RNF145: variants seen among roughly 807,000 people sequenced by gnomAD.
The protein encoded by RNF145 is ring finger protein 145.
In RNF145, 12 loss-of-function variants were observed where a neutral mutation model predicts 57.3. That is an observed-to-expected ratio of 0.21 (90% confidence interval 0.13 to 0.34). The LOEUF is 0.34. RNF145 is among the 10% of genes least tolerant of loss of function. RNF145 has a pLI of 1.00. For synonymous variants in RNF145, 262 were observed against 288.3 expected (o/e 0.91, Z 0.92); for missense variants, 429 against 799.0 (o/e 0.54, Z 5.58).
intron 1 of RNF145, chr5:159,207,358 CTT>C: frequency 1.5e-6 from 1 of 681,560 alleles, no homozygotes; most frequent in Non-Finnish European, 2.4e-6. Context: ...ACCTCCTAAA[CTT>C]TTTTTTAAAA....
chr5:159,173,069 A>G (rs1000657791), intron 6 of RNF145, among the ~76,000 whole-genome samples: 2 of 152,232 alleles, frequency 1.3e-5, no homozygotes, highest in Admixed American at 6.5e-5. Context: ...GACTTAAATG[A>G]CATGAGATTT....
At chr5:159,202,957 T>C (rs1785723189) in intron 2 of RNF145, among the ~76,000 whole-genome samples, 1 of 152,168 alleles carries the variant, frequency 6.6e-6, no homozygotes, top group Non-Finnish European at 1.5e-5. Context: ...GAGGATTTTT[T>C]TTATGGAACA....
intron 2 of RNF145, among the ~76,000 whole-genome samples, chr5:159,201,287 C>T (rs182098425): frequency 5.3e-5 from 8 of 152,314 alleles, no homozygotes; most frequent in Admixed American, 5.2e-4. Flanking sequence ...CAACTTCCAG[C>T]ATACACCGAC....
At chr5:159,182,778 A>C (rs1316225173) in intron 3 of RNF145, among the ~76,000 whole-genome samples, 1 of 152,180 alleles carries the variant, frequency 6.6e-6, no homozygotes, top group African/African-American at 2.4e-5. Flanking sequence ...GTTTATTATC[A>C]GTAAGTTACA....
intron 3 of RNF145, among the ~76,000 whole-genome samples, chr5:159,192,888 C>CTCCAGAGT (rs1562069908): frequency 6.6e-6 from 1 of 152,204 alleles, no homozygotes; most frequent in Non-Finnish European, 1.5e-5. Context: ...GCTCAGTATA[C>CTCCAGAGT]CCTAATGACT....
chr5:159,161,707 T>C (rs1417723959), intron 9 of RNF145, 85 bp from the exon 10 acceptor site: 3 of 804,390 alleles, frequency 3.7e-6, no homozygotes, highest in Non-Finnish European at 6.1e-6. Flanking sequence ...AACACATTCC[T>C]GATGTTTTTA....
At chr5:159,209,688 G>T, upstream of RNF145, 1 of 959,074 alleles carries the variant, frequency 1.0e-6, no homozygotes, top group Non-Finnish European at 1.4e-6. Flanking sequence ...CGGTGCGTGG[G>T]CGGGAGACAT....
intron 3 of RNF145, among the ~76,000 whole-genome samples, chr5:159,191,137 TG>T (rs1418395315): frequency 6.6e-6 from 1 of 151,660 alleles, no homozygotes; most frequent in Non-Finnish European, 1.5e-5. Flanking sequence ...CACGAATTTT[TG>T]TTGGGCTGCA....
intron 8 of RNF145, among the ~76,000 whole-genome samples, chr5:159,164,421 C>A (rs1162017918): frequency 6.6e-6 from 1 of 152,006 alleles, no homozygotes; most frequent in Admixed American, 6.5e-5. Context: ...AAAAATCAAG[C>A]CAGCTATGAT....
At chr5:159,185,769 A>G (rs1407466523) in intron 3 of RNF145, among the ~76,000 whole-genome samples, 2 of 152,256 alleles carry the variant, frequency 1.3e-5, no homozygotes, top group African/African-American at 4.8e-5. Flanking sequence ...CAATCTACTT[A>G]TAACTGAATA....
chr5:159,166,999 T>C (rs1215869388), intron 8 of RNF145, among the ~76,000 whole-genome samples: 2 of 152,168 alleles, frequency 1.3e-5, no homozygotes, highest in Non-Finnish European at 2.9e-5. Flanking sequence ...TAGGGATAAC[T>C]GTTCTTTGGA....
At chr5:159,181,065 T>C (rs753088907) in intron 4 of RNF145, among the ~76,000 whole-genome samples, 28 of 151,292 alleles carry the variant, frequency 1.9e-4, no homozygotes, top group Non-Finnish European at 3.1e-4. Context: ...ACACCATGTG[T>C]TCCCCCAGAA....
At chr5:159,184,597 C>T (rs1785000008) in intron 3 of RNF145, among the ~76,000 whole-genome samples, 1 of 152,104 alleles carries the variant, frequency 6.6e-6, no homozygotes, top group Non-Finnish European at 1.5e-5. Context: ...ATTTTAAATT[C>T]ACAGCATATT....
At chr5:159,190,681 CAAAAAAAAAA>C (rs58247587) in intron 3 of RNF145, among the ~76,000 whole-genome samples, 1 of 87,300 alleles carries the variant, frequency 1.1e-5, no homozygotes, top group Admixed American at 1.3e-4. Context: ...ACAACCATCT[CAAAAAAAAAA>C]AAAAAAAAAA....
At chr5:159,192,148 G>A (rs1422534851) in intron 3 of RNF145, among the ~76,000 whole-genome samples, 1 of 152,034 alleles carries the variant, frequency 6.6e-6, no homozygotes, top group East Asian at 1.9e-4. Context: ...CATAGCATTT[G>A]CATTGTATTA....
intron 6 of RNF145, among the ~76,000 whole-genome samples, chr5:159,170,981 C>A (rs1392904927): frequency 6.6e-6 from 1 of 152,170 alleles, no homozygotes; most frequent in African/African-American, 2.4e-5. Flanking sequence ...CAATGCTTGT[C>A]CCTTACTATG....
At position 159,209,357 on chromosome 5, in the gene RNF145, C is replaced by A; in HGVS notation, c.-166G>T. 33 of 986,198 alleles carry A rather than the reference C, an allele frequency of 3.3e-5. No homozygotes were observed. The highest frequency in any genetic ancestry group is 4.0e-5 in the Non-Finnish European group (33 of 830,146). 61.1% of individuals were successfully genotyped at this position (986,198 alleles called of 1,614,324 possible). ...GCGGGGGCCGGTACGGCACGGCTCA[C>A]AGCGGCGGCTCTTCTGCGCCGAGCC... On this transcript the variant is annotated 5_prime_UTR_variant, in exon 1 of 11. Transcript: ENST00000424310.
chr5:159,164,815 A>C (rs1197004783), intron 8 of RNF145, among the ~76,000 whole-genome samples: 2 of 152,228 alleles, frequency 1.3e-5, no homozygotes, highest in African/African-American at 4.8e-5. Flanking sequence ...TACAGATAAA[A>C]TAACCAATTA....
chr5:159,206,130 A>G (rs2113253850), intron 1 of RNF145, among the ~76,000 whole-genome samples: 1 of 152,282 alleles, frequency 6.6e-6, no homozygotes, highest in East Asian at 1.9e-4. Context: ...AAGAGAAAAT[A>G]CCGGGTCCCG....
Sources: gnomAD v4.1 joint callset for allele counts (sites outside exome capture counted in the v4.1 genomes callset) on GRCh38, gnomAD v4.1.1 for gene constraint, MANE v1.5 for transcripts, NCBI Gene and HGNC (gene_info 2026-07-23, HGNC 2026-07-21) for gene names.